Variants in RSU1 observed in about 807,000 individuals in gnomAD.
RSU1 encodes Ras suppressor protein 1, also known as rsu-1.
In RSU1, 26 loss-of-function variants were observed where a neutral mutation model predicts 31.1. The observed-to-expected ratio is 0.84, with a 90% CI of 0.61 to 1.16. RSU1 has a LOEUF of 1.16. RSU1 is among the 50% of genes most tolerant of loss of function. The pLI is 0.00. For synonymous variants in RSU1, 164 were observed against 136.3 expected (o/e 1.20, Z -1.41); for missense variants, 320 against 339.1 (o/e 0.94, Z 0.44).
At chr10:16,793,073 A>G (rs2096035540) in intron 2 of RSU1, among the ~76,000 whole-genome samples, 1 of 151,938 alleles carries the variant, frequency 6.6e-6, no homozygotes, top group African/African-American at 2.4e-5. Flanking sequence ...TTTGATATCA[A>G]TAAATAATAA....
At chr10:16,805,164 A>G (rs1361463717) in intron 2 of RSU1, among the ~76,000 whole-genome samples, 2 of 151,830 alleles carry the variant, frequency 1.3e-5, no homozygotes, top group Non-Finnish European at 2.9e-5. Context: ...CCCAGATCAC[A>G]CCATTGCAAT....
chr10:16,654,351 C>T (rs1226344851), intron 8 of RSU1, among the ~76,000 whole-genome samples: 2 of 126,686 alleles, frequency 1.6e-5, no homozygotes, highest in Non-Finnish European at 3.2e-5. Context: ...GTTGCCTACA[C>T]CTAAATTTGC....
intron 7 of RSU1, among the ~76,000 whole-genome samples, chr10:16,731,010 G>C (rs1317192484): frequency 6.6e-6 from 1 of 152,080 alleles, no homozygotes; most frequent in Non-Finnish European, 1.5e-5. Flanking sequence ...TTTTAGTAGA[G>C]ATGGGGTTTC....
At chr10:16,623,438 G>C (rs1834104675) in intron 8 of RSU1, among the ~76,000 whole-genome samples, 1 of 152,184 alleles carries the variant, frequency 6.6e-6, no homozygotes, top group Non-Finnish European at 1.5e-5. Flanking sequence ...AGCACCGATG[G>C]GCACCCAGGT....
intron 8 of RSU1, among the ~76,000 whole-genome samples, chr10:16,605,915 C>A (rs921001849): frequency 1.3e-5 from 2 of 152,176 alleles, no homozygotes; most frequent in African/African-American, 4.8e-5. Flanking sequence ...GATCCTCCTG[C>A]CTCAGCCTCC....
At chr10:16,740,070 T>C (rs1189898080) in intron 7 of RSU1, among the ~76,000 whole-genome samples, 3 of 151,898 alleles carry the variant, frequency 2.0e-5, no homozygotes, top group Admixed American at 1.3e-4. Flanking sequence ...TTTCAAACAT[T>C]CAAAAAAGAA....
intron 7 of RSU1, among the ~76,000 whole-genome samples, chr10:16,713,008 C>G (rs561237181): frequency 2.6e-5 from 4 of 152,196 alleles, no homozygotes; most frequent in Non-Finnish European, 5.9e-5. Flanking sequence ...CACAAGCCCC[C>G]CTTCTTTCAG....
At chr10:16,615,207 A>AG (rs1160060247) in intron 8 of RSU1, among the ~76,000 whole-genome samples, 1 of 152,058 alleles carries the variant, frequency 6.6e-6, no homozygotes, top group East Asian at 1.9e-4. Context: ...GCAAATGGAG[A>AG]GAAAAAAAAA....
At chr10:16,612,987 C>A (rs1048925276) in intron 8 of RSU1, among the ~76,000 whole-genome samples, 2 of 152,044 alleles carry the variant, frequency 1.3e-5, no homozygotes, top group Non-Finnish European at 2.9e-5. Context: ...AGGCCCAAAT[C>A]TGAGAGAGCA....
intron 8 of RSU1, among the ~76,000 whole-genome samples, chr10:16,633,428 T>C (rs772980281): frequency 6.6e-6 from 1 of 152,042 alleles, no homozygotes; most frequent in Non-Finnish European, 1.5e-5. Context: ...AAATGCTTAT[T>C]GTGTCCAACA....
At chr10:16,702,350 A>G (rs1220473390) in intron 7 of RSU1, among the ~76,000 whole-genome samples, 1 of 152,218 alleles carries the variant, frequency 6.6e-6, no homozygotes, top group Non-Finnish European at 1.5e-5. Flanking sequence ...CAACCTCTAG[A>G]CCAGAGAATG....
intron 8 of RSU1, among the ~76,000 whole-genome samples, chr10:16,643,872 C>T (rs1343643728): frequency 3.4e-5 from 5 of 148,910 alleles, no homozygotes; most frequent in South Asian, 2.1e-4. Flanking sequence ...ATGGCTGCGT[C>T]TGTACTGAAC....
Position 16,665,472 on chromosome 10 carries a change from T to C in RSU1, c.731+29551A>G, listed in dbSNP as rs557571219. On this transcript the variant is annotated intron_variant, in intron 8 of 8. Transcript: ENST00000345264. ...TGAATGACCACAGCAATGCATTAAA[T>C]TCTCAACAAATAATACTCAAAGCAA... Among the ~76,000 whole-genome samples the C allele has an allele frequency of 1.1e-3, 168 of 152,316 alleles. 1 individual carries two copies. Among genetic ancestry groups the C allele is most frequent in the Non-Finnish European group, 1.7e-3 (113 of 68,036 alleles).
At chr10:16,693,304 T>C (rs999736751) in intron 8 of RSU1, among the ~76,000 whole-genome samples, 7 of 152,158 alleles carry the variant, frequency 4.6e-5, no homozygotes, top group African/African-American at 1.7e-4. Context: ...GGTGGAAACA[T>C]GGCCACAGCA....
chr10:16,599,542 C>T (rs78609175), intron 8 of RSU1, among the ~76,000 whole-genome samples: 1,523 of 152,270 alleles, frequency 0.01, 27 homozygotes, highest in African/African-American at 0.035. Context: ...CAGCCCTGAA[C>T]GATGTGTGCC....
intron 2 of RSU1, among the ~76,000 whole-genome samples, chr10:16,786,523 G>T (rs1837794900): frequency 6.6e-6 from 1 of 151,848 alleles, no homozygotes; most frequent in South Asian, 2.1e-4. Context: ...CAAAATTCAG[G>T]CACTAGATGT....
At chr10:16,737,111 T>C (rs573772541) in intron 7 of RSU1, among the ~76,000 whole-genome samples, 105 of 151,990 alleles carry the variant, frequency 6.9e-4, no homozygotes, top group Middle Eastern at 6.8e-3. Context: ...TCAAGTGATC[T>C]AACACAAGAG....
At chr10:16,660,805 C>T (rs1306657602) in intron 8 of RSU1, among the ~76,000 whole-genome samples, 1 of 151,812 alleles carries the variant, frequency 6.6e-6, no homozygotes, top group Non-Finnish European at 1.5e-5. Context: ...TACCACTACG[C>T]CCAGCTAATT....
chr10:16,602,905 G>C (rs1433297084), intron 8 of RSU1, among the ~76,000 whole-genome samples: 5 of 152,166 alleles, frequency 3.3e-5, no homozygotes, highest in African/African-American at 1.2e-4. Context: ...ACTTGTAATA[G>C]CTTTATTTCT....
Sources: gnomAD v4.1 joint callset for allele counts (sites outside exome capture counted in the v4.1 genomes callset) on GRCh38, gnomAD v4.1.1 for gene constraint, MANE v1.5 for transcripts, NCBI Gene and HGNC (gene_info 2026-07-23, HGNC 2026-07-21) for gene names.